WNK2: variants seen among roughly 807,000 people sequenced by gnomAD.
WNK2 encodes the protein WNK lysine deficient protein kinase 2, also known as serine/threonine-protein kinase WNK2.
In WNK2, 67 loss-of-function variants were observed where a neutral mutation model predicts 192.1. The observed-to-expected ratio is 0.35, with a 90% confidence interval of 0.29 to 0.43. The LOEUF (loss-of-function observed/expected upper bound fraction) is 0.43. Among genes scored for constraint, WNK2 ranks in the 20% least tolerant of loss-of-function variants. The pLI is 1.00. For synonymous variants in WNK2, 1,439 were observed against 1,393.9 expected (o/e 1.03, Z -0.72); for missense variants, 2,698 against 3,089.7 (o/e 0.87, Z 3.01).
At chr9:93,260,287 TG>T (rs1245725859) in intron 12 of WNK2, among the ~76,000 whole-genome samples, 1 of 152,152 alleles carries the variant, frequency 6.6e-6, no homozygotes, top group African/African-American at 2.4e-5. Context: ...CAGACTATTC[TG>T]TTCAAACTCG....
intron 19 of WNK2, among the ~76,000 whole-genome samples, chr9:93,276,024 C>T (rs1427800130): frequency 6.6e-6 from 1 of 152,214 alleles, no homozygotes; most frequent in African/African-American, 2.4e-5. Context: ...AATGTCACTT[C>T]TACCCAAATG....
chr9:93,191,661 A>C (rs895585071), intron 2 of WNK2, among the ~76,000 whole-genome samples: 1 of 151,154 alleles, frequency 6.6e-6, no homozygotes, highest in Admixed American at 6.6e-5. Context: ...AGAGGCGGGG[A>C]GGGGAGAAGC....
At chr9:93,263,299 C>T (rs1367445976) in intron 14 of WNK2, 3 of 533,044 alleles carry the variant, frequency 5.6e-6, no homozygotes, top group Non-Finnish European at 1.0e-5. Context: ...GGCTGATTCG[C>T]AGGTCAGGAG....
In WNK2 at chr9:93,185,014, C is replaced by A. The variant is rs1047342671; in HGVS notation, c.85C>A (p.Pro29Thr). 19 of 1,251,480 alleles carry A rather than the reference C, an allele frequency of 1.5e-5. No individual in the cohort carries two copies. The East Asian group carries it at 5.5e-4, about 37-fold the overall frequency. 77.5% of individuals were successfully genotyped at this position (1,251,480 alleles called of 1,614,324 possible). Residue 29 changes from proline (P) to threonine (T), a missense_variant, in exon 2 of 30, where the codon CCT (proline) becomes ACT (threonine). Pro to Thr is a conservative substitution (Grantham distance 38). This residue lies in a region of WNK2 where 260 missense variants were observed against 285.6 expected (regional missense o/e 0.91). Coordinates refer to ENST00000427277, the MANE Select transcript of WNK2 (RefSeq NM_006648.4). ...RGAGPAGMAE[P>T]RAKAARPGPQ... Reference sequence around the variant, plus strand: ...CGCGGGGCCCGCGGGCATGGCGGAGCCTCGGGCGAAGGCGGCGCGGCCGGG... The same window carrying A: ...CGCGGGGCCCGCGGGCATGGCGGAGACTCGGGCGAAGGCGGCGCGGCCGGG...
chr9:93,239,033 G>A lies in WNK2; in HGVS notation c.1322+712G>A, dbSNP rs1213712658. Among the ~76,000 whole-genome samples the A allele has an allele frequency of 6.6e-6, 1 of 152,212 alleles. No homozygotes were observed. Among genetic ancestry groups the A allele is most frequent in the Non-Finnish European group, 1.5e-5 (1 of 68,042 alleles). On this transcript the variant is annotated intron_variant, in intron 6 of 29. Coordinates refer to ENST00000427277, the MANE Select transcript of WNK2 (RefSeq NM_006648.4). The surrounding 1 kb of genome is among the most constrained non-coding windows in gnomAD (Gnocchi z 4.2). ...CACAGAGGAAGCCAGGCCCCAAAGA[G>A]TGCGTGCTGTGTGGTTCCATTTATA... is the stretch of plus-strand genomic sequence containing the variant.
At chr9:93,248,344 A>G (rs996100698) in intron 8 of WNK2, among the ~76,000 whole-genome samples, 1 of 152,238 alleles carries the variant, frequency 6.6e-6, no homozygotes, top group African/African-American at 2.4e-5. Flanking sequence ...AATGAAGTTC[A>G]TGTTCTCAGG....
At chr9:93,312,459 C>CT (rs1247046547) in intron 28 of WNK2, among the ~76,000 whole-genome samples, 1 of 152,168 alleles carries the variant, frequency 6.6e-6, no homozygotes, top group Non-Finnish European at 1.5e-5. Flanking sequence ...ACCGCAACCT[C>CT]TGCCTCCCGG....
At chr9:93,236,419 T>G (rs1341392167) in intron 5 of WNK2, among the ~76,000 whole-genome samples, 1 of 152,206 alleles carries the variant, frequency 6.6e-6, no homozygotes, top group African/African-American at 2.4e-5. Flanking sequence ...TTGGGAAAAT[T>G]TATGCTTTAT....
chr9:93,221,765 C>T (rs1836933368), intron 2 of WNK2, among the ~76,000 whole-genome samples: 1 of 152,072 alleles, frequency 6.6e-6, no homozygotes, highest in Admixed American at 6.5e-5. Context: ...TGTGGCAGGG[C>T]AGTCAGTGAG....
At chr9:93,209,305 A>G (rs1259108488) in intron 2 of WNK2, among the ~76,000 whole-genome samples, 5 of 152,138 alleles carry the variant, frequency 3.3e-5, no homozygotes, top group Non-Finnish European at 7.4e-5. Flanking sequence ...AGGCCGGGAC[A>G]TTCTGGTCTC....
chr9:93,292,877 C>G lies in WNK2; in HGVS notation c.5412C>G (p.Pro1804=), dbSNP rs56125631. The G allele has an allele frequency of 1.3e-6, 2 of 1,507,826 alleles. No individual in the cohort carries two copies. Among genetic ancestry groups the G allele is most frequent in the Admixed American group, 4.3e-5 (2 of 47,022 alleles). 93.4% of individuals were successfully genotyped at this position (1,507,826 alleles called of 1,614,324 possible). ...ASSIEVGVGE[P]VSSDSGDEGP... ...CCATCGAGGTCGGCGTGGGCGAGCCCGTGTCCAGCGACTCTGGGGACGAGG... is the reference window on the plus strand; with the variant it reads ...CCATCGAGGTCGGCGTGGGCGAGCCGGTGTCCAGCGACTCTGGGGACGAGG... The change falls in exon 23 of 30, where the codon CCC becomes CCG. Residue 1804 remains proline, a synonymous_variant. Transcript: ENST00000427277.
rs755860426 is a variant in WNK2, at chr9:93,268,997, C to T, written c.4033+251C>T. ...CCACCAAGTAGGTGGCTCGCATGGC[C>T]ATATAGGTGTGTGTTGAAGAGCTCC... On this transcript the variant is annotated intron_variant, in intron 19 of 29. Transcript: ENST00000427277. 13 of 1,501,118 alleles carry T rather than the reference C, an allele frequency of 8.7e-6. 1 individual carries two copies. Among genetic ancestry groups the T allele is most frequent in the Non-Finnish European group, 1.2e-5 (13 of 1,107,358 alleles). 93.0% of individuals were successfully genotyped at this position (1,501,118 alleles called of 1,614,324 possible).
At chr9:93,199,899 C>CAAAA (rs59582411) in intron 2 of WNK2, among the ~76,000 whole-genome samples, 9 of 107,760 alleles carry the variant, frequency 8.4e-5, no homozygotes, top group South Asian at 3.0e-4. Flanking sequence ...CTCTTTGTCT[C>CAAAA]AAAAAAAAAA....
At position 93,259,488 on chromosome 9, in the gene WNK2, G is replaced by T. The variant is rs1319193771; in HGVS notation, c.2940G>T (p.Leu980=). The change falls in exon 12 of 30, where the codon CTG becomes CTT. Residue 980 remains leucine (L), a synonymous_variant. Coordinates refer to ENST00000427277, the MANE Select transcript of WNK2 (RefSeq NM_006648.4). This position sits in a 1 kb window ranked among gnomAD's most constrained non-coding sequence, Gnocchi z 4.8. ...CCACACGGCCCCCTCAACCTGTGCT[G>T]CCCCCGCAACCCATGCTGCCCCCAC... ...PQPTRPPQPV[L]PPQPMLPPQP... 6.6e-7 allele frequency: 1 copy of T among 1,504,484 alleles called. No homozygotes were observed. Among genetic ancestry groups the T allele is most frequent in the Non-Finnish European group, 8.9e-7 (1 of 1,125,410 alleles). 93.2% of individuals were successfully genotyped at this position (1,504,484 alleles called of 1,614,324 possible). A position where few individuals can be genotyped will look rare whatever the true frequency, so the allele number is the denominator to read the frequency against.
At chr9:93,251,449 G>A (rs941874807) in intron 8 of WNK2, among the ~76,000 whole-genome samples, 5 of 152,108 alleles carry the variant, frequency 3.3e-5, no homozygotes, top group South Asian at 2.1e-4. Flanking sequence ...AATGTGGGCC[G>A]GGCATGGTGG....
At chr9:93,255,249 G>A (rs570013435) in intron 9 of WNK2, among the ~76,000 whole-genome samples, 3 of 152,276 alleles carry the variant, frequency 2.0e-5, no homozygotes, top group South Asian at 4.2e-4. Context: ...TGTCTGCAGC[G>A]CCCAGTGAAG....
At chr9:93,266,618 C>T (rs1223044139) in intron 16 of WNK2, among the ~76,000 whole-genome samples, 1 of 152,228 alleles carries the variant, frequency 6.6e-6, no homozygotes, top group Admixed American at 6.5e-5. Flanking sequence ...TCTTAGACAA[C>T]ATTGCAGTCA....
intron 26 of WNK2, among the ~76,000 whole-genome samples, chr9:93,302,447 C>T (rs1851779145): frequency 1.3e-5 from 2 of 152,288 alleles, no homozygotes; most frequent in South Asian, 2.1e-4. Context: ...GCAGCCAGCC[C>T]AGCCTTTGCT....
At chr9:93,236,711 A>ACC (rs199699531) in intron 5 of WNK2, among the ~76,000 whole-genome samples, 39 of 151,986 alleles carry the variant, frequency 2.6e-4, no homozygotes, top group African/African-American at 8.9e-4. Context: ...TGCCACCCGC[A>ACC]CCCCCCCGCA....
Sources: allele counts gnomAD v4.1 joint callset (sites outside exome capture counted in the v4.1 genomes callset), GRCh38; gene constraint gnomAD v4.1.1; regional missense constraint gnomAD v4.1.1; non-coding constraint Gnocchi (gnomAD v3.1); transcripts MANE v1.5; gene names NCBI Gene and HGNC (gene_info 2026-07-23, HGNC 2026-07-21).